The following IQCM variants were observed in gnomAD, a reference collection of about 807,000 sequenced individuals.
IQCM encodes IQ motif containing M.
Under a neutral mutation model 57.6 loss-of-function variants are expected in IQCM, and 45 were observed. That is an observed-to-expected ratio of 0.78 (90% CI 0.62 to 1.00). The LOEUF is 1.00. Ranked by LOEUF, IQCM falls within the 50% of genes least tolerant of loss-of-function variation. The pLI, the probability that IQCM is intolerant of heterozygous loss-of-function variation, is 0.00. For synonymous variants in IQCM, 148 were observed against 158.9 expected (o/e 0.93, Z 0.51); for missense variants, 468 against 511.6 (o/e 0.91, Z 0.82).
At chr4:149,431,196 T>G (rs776507387) in intron 13 of IQCM, among the ~76,000 whole-genome samples, 32 of 151,896 alleles carry the variant, frequency 2.1e-4, no homozygotes, top group Non-Finnish European at 4.1e-4. Flanking sequence ...CAAAGTGAGA[T>G]TCTCTTTCAA....
In IQCM at chr4:149,806,061, A is replaced by G. The variant is rs1044927036; in HGVS notation, c.-49+9250T>C. Among the ~76,000 whole-genome samples the G allele has an allele frequency of 2.6e-5, 4 of 151,956 alleles. No homozygotes were observed. The South Asian group carries it at 8.3e-4, about 31-fold the overall frequency. ...TATACATTCACATCCAAAATGAGCT[A>G]TGATATTCTGCCAAATGAAATAGAA... On this transcript the variant is annotated intron_variant, in intron 2 of 13. Transcript: ENST00000636793.
chr4:149,420,998 CCAGCACAAATGTTCAGTAGTGCCAATA>C (rs1734083095), intron 13 of IQCM, among the ~76,000 whole-genome samples: 1 of 40,462 alleles, frequency 2.5e-5, no homozygotes, highest in African/African-American at 1.3e-4. Context: ...ATAATTATGA[CCAGCACAAATGTTCAGTAGTGCCAATA>C]ATTATGACCA....
chr4:149,774,014 T>A (rs1486824514), intron 2 of IQCM, among the ~76,000 whole-genome samples: 1 of 152,212 alleles, frequency 6.6e-6, no homozygotes, highest in Non-Finnish European at 1.5e-5. Context: ...ATACCTTATA[T>A]ATTTGTGTAT....
intron 2 of IQCM, among the ~76,000 whole-genome samples, chr4:149,784,047 C>T (rs1377529666): frequency 6.6e-6 from 1 of 152,190 alleles, no homozygotes; most frequent in African/African-American, 2.4e-5. Context: ...CCATGCCCAG[C>T]GTCCTTACCC....
intron 6 of IQCM, among the ~76,000 whole-genome samples, chr4:149,682,754 C>T (rs1452756960): frequency 6.6e-6 from 1 of 150,952 alleles, no homozygotes; most frequent in Admixed American, 6.6e-5. Context: ...TATGTTTTAC[C>T]TGATTTATTC....
At chr4:149,513,715 T>G (rs1331092198) in intron 12 of IQCM, among the ~76,000 whole-genome samples, 1 of 152,180 alleles carries the variant, frequency 6.6e-6, no homozygotes, top group Non-Finnish European at 1.5e-5. Context: ...AAATGAATGT[T>G]ACCATCATGG....
Position 149,795,451 on chromosome 4 carries a change from C to T in IQCM, c.-49+19860G>A, listed in dbSNP as rs147986329. Reference sequence around the variant, plus strand: ...CCCAGTGGTCAGAACTGAGTTCCCACGAGCCTCACCACTGCAGGCTAAAGT... The same window carrying T: ...CCCAGTGGTCAGAACTGAGTTCCCATGAGCCTCACCACTGCAGGCTAAAGT... On this transcript the variant is annotated intron_variant, in intron 2 of 13. Transcript: ENST00000636793. Among the ~76,000 whole-genome samples the T allele has an allele frequency of 5.9e-5, 9 of 152,256 alleles. No individual in the cohort carries two copies. In the East Asian group the frequency reaches 9.7e-4, roughly 16 times the overall value.
intron 8 of IQCM, among the ~76,000 whole-genome samples, chr4:149,590,576 T>A (rs1360387186): frequency 6.6e-6 from 1 of 151,960 alleles, no homozygotes; most frequent in African/African-American, 2.4e-5. Context: ...GCATTAGGTT[T>A]TTCTCCTAAT....
At chr4:149,512,747 G>T (rs1315262713) in intron 12 of IQCM, among the ~76,000 whole-genome samples, 2 of 151,906 alleles carry the variant, frequency 1.3e-5, no homozygotes, top group Admixed American at 1.3e-4. Context: ...ATAAATATGT[G>T]TTTCAAAAAA....
At chr4:149,475,198 G>A (rs1020659554) in intron 12 of IQCM, among the ~76,000 whole-genome samples, 14 of 152,172 alleles carry the variant, frequency 9.2e-5, no homozygotes, top group African/African-American at 3.4e-4. Context: ...TGGCAGGAGA[G>A]GTTAGTAATC....
intron 8 of IQCM, among the ~76,000 whole-genome samples, chr4:149,602,082 C>T (rs950243026): frequency 7.2e-6 from 1 of 138,514 alleles, no homozygotes; most frequent in Non-Finnish European, 1.6e-5. Context: ...TACTAAACAA[C>T]GAGAAATTAG....
chr4:149,518,458 C>G (rs1376032156), intron 12 of IQCM, among the ~76,000 whole-genome samples: 1 of 152,116 alleles, frequency 6.6e-6, no homozygotes, highest in Non-Finnish European at 1.5e-5. Context: ...AAAAGCTCCC[C>G]AGAAAGGAAG....
At chr4:149,484,937 T>G (rs1018556618) in intron 12 of IQCM, among the ~76,000 whole-genome samples, 5 of 152,122 alleles carry the variant, frequency 3.3e-5, no homozygotes, top group African/African-American at 1.2e-4. Context: ...TTCTTCTTCA[T>G]GCCTGAAGGA....
intron 2 of IQCM, among the ~76,000 whole-genome samples, chr4:149,758,383 G>A (rs1174912231): frequency 6.6e-6 from 1 of 152,042 alleles, no homozygotes. Flanking sequence ...ACTCCTAGAA[G>A]ACAACAGGAG....
chr4:149,559,294 G>A (rs556786637), intron 10 of IQCM, among the ~76,000 whole-genome samples: 50 of 152,170 alleles, frequency 3.3e-4, no homozygotes, highest in African/African-American at 8.9e-4. Context: ...AAAGGCATCC[G>A]TTCTCAGACA....
intron 13 of IQCM, among the ~76,000 whole-genome samples, chr4:149,399,064 T>C (rs1427934700): frequency 6.6e-6 from 1 of 152,072 alleles, no homozygotes; most frequent in Non-Finnish European, 1.5e-5. Flanking sequence ...GATATTTGGC[T>C]TATTTCCAAT....
chr4:149,702,147 TAA>T (rs1763816231), intron 5 of IQCM, among the ~76,000 whole-genome samples: 1 of 151,958 alleles, frequency 6.6e-6, no homozygotes, highest in African/African-American at 2.4e-5. Flanking sequence ...GCCACAAATA[TAA>T]AGTCATTACA....
At chr4:149,669,182 T>G (rs531295385) in intron 7 of IQCM, among the ~76,000 whole-genome samples, 19 of 152,216 alleles carry the variant, frequency 1.2e-4, no homozygotes, top group Non-Finnish European at 2.4e-4. Flanking sequence ...CTAACTGGTA[T>G]GAGATGGTAT....
intron 7 of IQCM, among the ~76,000 whole-genome samples, chr4:149,669,899 G>C (rs575820281): frequency 1.3e-5 from 2 of 152,312 alleles, no homozygotes; most frequent in African/African-American, 4.8e-5. Flanking sequence ...ATAGTTAGAA[G>C]TCAGGTAGCA....
Sources: gnomAD v4.1 joint callset for allele counts (sites outside exome capture counted in the v4.1 genomes callset) on GRCh38, gnomAD v4.1.1 for gene constraint, MANE v1.5 for transcripts, NCBI Gene and HGNC (gene_info 2026-07-23, HGNC 2026-07-21) for gene names.